The following GPCPD1 variants were observed in gnomAD, a reference collection of about 807,000 sequenced individuals.
GPCPD1 encodes glycerophosphocholine phosphodiesterase GPCPD1.
GPCPD1 carries 29 observed loss-of-function variants against 89.2 expected under a neutral mutation model. The observed-to-expected ratio is 0.33, with a 90% CI of 0.24 to 0.44. GPCPD1 has a LOEUF of 0.44. GPCPD1 is among the 20% of genes least tolerant of loss of function. The pLI is 1.00. For synonymous variants in GPCPD1, 258 were observed against 266.3 expected (o/e 0.97, Z 0.30); for missense variants, 594 against 808.9 (o/e 0.73, Z 3.22).
chr20:5,594,889 A>G (rs1021548196), intron 3 of GPCPD1, among the ~76,000 whole-genome samples: 1 of 152,210 alleles, frequency 6.6e-6, no homozygotes, highest in Non-Finnish European at 1.5e-5. Flanking sequence ...CTTCGTGTCT[A>G]TGTCACAGTT....
At chr20:5,565,170 A>AAG (rs773778878) in intron 14 of GPCPD1, 92 bp from the exon 15 acceptor site, 23 of 745,312 alleles carry the variant, frequency 3.1e-5, no homozygotes, top group South Asian at 2.7e-4. Flanking sequence ...AAAACAGGGA[A>AAG]AGAGAGAGAG....
At chr20:5,551,551 A>G (rs767873295) in intron 19 of GPCPD1, among the ~76,000 whole-genome samples, 19 of 152,252 alleles carry the variant, frequency 1.2e-4, no homozygotes, top group Non-Finnish European at 2.4e-4. Context: ...GGAGTAAGGT[A>G]TAGCTACATG....
At chr20:5,564,866 T>C (rs955314027) in intron 15 of GPCPD1, 151 bp downstream of exon 15, 2 of 645,558 alleles carry the variant, frequency 3.1e-6, no homozygotes, top group African/African-American at 3.7e-5. Flanking sequence ...ACACACAAAG[T>C]ATCTTCTCTA....
rs115000140 is a variant in GPCPD1, at chr20:5,564,727, T to C, written c.1329+290A>G. Among the ~76,000 whole-genome samples the C allele has an allele frequency of 4.4e-3, 676 of 152,188 alleles. 5 individuals are homozygous for C. Among genetic ancestry groups the C allele is most frequent in the African/African-American group, 0.016 (646 of 41,534 alleles). The stretch of plus-strand genomic sequence containing the variant: ...TGGTGCACAACTGCAGTTCCAGCTA[T>C]TTGAGAGACTGAGTGAGGTGGGAGG... On this transcript the variant is annotated intron_variant, in intron 15 of 19. Coordinates refer to ENST00000379019, the MANE Select transcript of GPCPD1 (RefSeq NM_019593.5).
rs1165841880 is a variant in GPCPD1 at position 5,575,565 on chromosome 20, G to A, written c.869-20C>T. 7.3e-6 allele frequency: 11 copies of A among 1,506,708 alleles called. No homozygotes were observed. The highest frequency in any genetic ancestry group is 9.1e-6 in the Non-Finnish European group (10 of 1,094,502). 93.3% of individuals were successfully genotyped at this position (1,506,708 alleles called of 1,614,324 possible). ...AGTCAACTTTCATAGGAAAAAAGAG[G>A]GAGGAACAAAAATAAAAATGATTAA... On this transcript the variant is annotated intron_variant, in intron 9 of 19. Coordinates refer to ENST00000379019, the MANE Select transcript of GPCPD1 (RefSeq NM_019593.5).
intron 4 of GPCPD1, among the ~76,000 whole-genome samples, chr20:5,588,061 T>A (rs1289531029): frequency 6.6e-6 from 1 of 152,240 alleles, no homozygotes; most frequent in Non-Finnish European, 1.5e-5. Context: ...AAATGTAATG[T>A]GAAATTGCTC....
intron 3 of GPCPD1, among the ~76,000 whole-genome samples, chr20:5,595,810 G>GC (rs200600124): frequency 7.9e-4 from 120 of 151,864 alleles, no homozygotes; most frequent in African/African-American, 2.8e-3. Context: ...AAAAAAAGGG[G>GC]GGGGGACAAA....
chr20:5,557,938 C>G lies in GPCPD1; in HGVS notation c.1829+7G>C, dbSNP rs377297989. 17 of 1,486,560 alleles carry G rather than the reference C, an allele frequency of 1.1e-5. No individual in the cohort carries two copies. The highest frequency in any genetic ancestry group is 1.5e-5 in the Non-Finnish European group (16 of 1,083,092). The allele number at this position is 1,486,560 out of a possible 1,614,324, so 92.1% of individuals were successfully genotyped here. A position where few individuals can be genotyped will look rare whatever the true frequency, so the allele number is the denominator to read the frequency against. Reference sequence around the variant, plus strand: ...TTCCATGAAAATTTTTCATGAAAAACAAATACCTATCATAAATTAGACCAT... The same window carrying G: ...TTCCATGAAAATTTTTCATGAAAAAGAAATACCTATCATAAATTAGACCAT... On this transcript the variant is annotated splice_region_variant and intron_variant, in intron 19 of 19. Transcript: ENST00000379019.
chr20:5,584,297 TC>T lies in GPCPD1; in HGVS notation c.332del (p.Gly111AspfsTer17). 7.0e-7 allele frequency: 1 copy of T among 1,428,930 alleles called. No individual in the cohort carries two copies. 88.5% of individuals were successfully genotyped at this position (1,428,930 alleles called of 1,614,324 possible). On this transcript the variant is annotated frameshift_variant, in exon 6 of 20. Coordinates refer to ENST00000379019, the MANE Select transcript of GPCPD1 (RefSeq NM_019593.5). LOFTEE classifies it high-confidence loss of function. ...CTCACTTACTGTGGATTCCAAATTG[TC>T]CATCGTCAATAATAATTTCGCTTTC... ...PLESEIIIDDGQFGIHNGVET... is the reference protein window; with the variant it reads ...PLESEIIIDDXQFGIHNGVET...
At chr20:5,576,419 C>CAAA (rs11286776) in intron 8 of GPCPD1, among the ~76,000 whole-genome samples, 10 of 90,746 alleles carry the variant, frequency 1.1e-4, no homozygotes, top group South Asian at 7.0e-4. Context: ...CACTCCATCT[C>CAAA]AAAAAAAAAA....
intron 4 of GPCPD1, among the ~76,000 whole-genome samples, chr20:5,590,750 C>T (rs1415968423): frequency 3.3e-5 from 5 of 152,066 alleles, no homozygotes; most frequent in African/African-American, 1.2e-4. Flanking sequence ...AAATAATTAT[C>T]TATCGCAGGT....
Position 5,598,730 on chromosome 20 carries a change from A to G in GPCPD1, c.141T>C (p.Gly47=). Residue 47 remains glycine, a synonymous_variant, in exon 3 of 20, where the codon GGT becomes GGC. Coordinates refer to ENST00000379019, the MANE Select transcript of GPCPD1 (RefSeq NM_019593.5). ...AVALLPENDT[G]ESMLWKATIV... ...CCTCACATTTCCATACTCACCTTTCACCTGTGTCATTCTCTGGAAGAAGAG... is the reference window on the plus strand; with the variant it reads ...CCTCACATTTCCATACTCACCTTTCGCCTGTGTCATTCTCTGGAAGAAGAG... The G allele has an allele frequency of 6.3e-7, 1 of 1,588,982 alleles. No individual in the cohort carries two copies. Among genetic ancestry groups the G allele is most frequent in the Non-Finnish European group, 8.6e-7 (1 of 1,157,042 alleles).
chr20:5,581,814 C>CTTTTTTTTTTTTTTTTTT lies in GPCPD1; in HGVS notation c.350-1701_350-1684dup, dbSNP rs11479995. On this transcript the variant is annotated intron_variant, in intron 6 of 19. Coordinates refer to ENST00000379019, the MANE Select transcript of GPCPD1 (RefSeq NM_019593.5). ...ATGCTTAATAATTGTGGGACTTTAA[C>CTTTTTTTTTTTTTTTTTT]TTTTTTTTTTTTTTTTTTTTTTTTT... Among the ~76,000 whole-genome samples, 2 of 75,030 alleles carry CTTTTTTTTTTTTTTTTTT rather than the reference C, an allele frequency of 2.7e-5. 1 individual carries two copies. The highest frequency in any genetic ancestry group is 1.5e-4 in the African/African-American group (2 of 13,088). 49.2% of individuals were successfully genotyped at this position (75,030 alleles called of 152,430 possible). A position where few individuals can be genotyped will look rare whatever the true frequency, so the allele number is the denominator to read the frequency against.
intron 6 of GPCPD1, among the ~76,000 whole-genome samples, chr20:5,581,813 A>ATTTTTTTTT (rs1568664434): frequency 2.4e-5 from 2 of 82,804 alleles, no homozygotes; most frequent in African/African-American, 1.3e-4. Flanking sequence ...TGGGACTTTA[A>ATTTTTTTTT]CTTTTTTTTT....
intron 1 of GPCPD1, among the ~76,000 whole-genome samples, chr20:5,610,002 A>G (rs1286385549): frequency 6.6e-6 from 1 of 152,200 alleles, no homozygotes; most frequent in African/African-American, 2.4e-5. Flanking sequence ...AAGAAAAAAC[A>G]TCGGGTCCAA....
At position 5,560,080 on chromosome 20, in the gene GPCPD1, G is replaced by A. The variant is rs747139779; in HGVS notation, c.1396-4C>T. The A allele has an allele frequency of 6.6e-7, 1 of 1,524,680 alleles. No individual in the cohort carries two copies. Among genetic ancestry groups the A allele is most frequent in the Non-Finnish European group, 8.8e-7 (1 of 1,139,474 alleles). 94.4% of individuals were successfully genotyped at this position (1,524,680 alleles called of 1,614,324 possible). On this transcript the variant is annotated splice_polypyrimidine_tract_variant and splice_region_variant and intron_variant, in intron 16 of 19. Transcript: ENST00000379019. ...AGTTACCATCCCACATTCCATCCTAGTGAAAGAGAAAGCAAAATAAAAGTC... is the reference window on the plus strand; with the variant it reads ...AGTTACCATCCCACATTCCATCCTAATGAAAGAGAAAGCAAAATAAAAGTC...
intron 19 of GPCPD1, among the ~76,000 whole-genome samples, chr20:5,554,446 G>A (rs1389377626): frequency 6.6e-6 from 1 of 152,138 alleles, no homozygotes; most frequent in Non-Finnish European, 1.5e-5. Context: ...TTAAGTTGAA[G>A]CCAATACTCA....
chr20:5,604,067 A>G (rs1412052710), intron 2 of GPCPD1, among the ~76,000 whole-genome samples: 7 of 152,168 alleles, frequency 4.6e-5, no homozygotes, highest in Admixed American at 2.0e-4. Flanking sequence ...TTGCACTAGC[A>G]AAGTTTCCTT....
At chr20:5,576,170 C>T (rs1978288304) in intron 8 of GPCPD1, among the ~76,000 whole-genome samples, 192 bp from the exon 9 acceptor site, 2 of 151,704 alleles carry the variant, frequency 1.3e-5, no homozygotes, top group African/African-American at 4.8e-5. Flanking sequence ...TCTGTAATCC[C>T]AGCACTTTGG....
Sources: allele counts gnomAD v4.1 joint callset (sites outside exome capture counted in the v4.1 genomes callset), GRCh38; gene constraint gnomAD v4.1.1; transcripts MANE v1.5; gene names NCBI Gene and HGNC (gene_info 2026-07-23, HGNC 2026-07-21).